The following SEZ6L variants were observed in gnomAD, a reference collection of about 807,000 sequenced individuals.
SEZ6L encodes seizure related 6 homolog like, also known as seizure 6-like protein.
Under a neutral mutation model 106.2 loss-of-function variants are expected in SEZ6L, and 37 were observed. The ratio of observed to expected loss-of-function variants is 0.35; its 90% confidence interval spans 0.27 to 0.46. SEZ6L has a LOEUF of 0.46. Among genes scored for constraint, SEZ6L ranks in the 20% least tolerant of loss-of-function variants. SEZ6L has a pLI of 1.00. For synonymous variants in SEZ6L, 541 were observed against 570.4 expected, an observed-to-expected ratio of 0.95 and a Z score of 0.73; for missense variants, 1,172 against 1,332.8, an observed-to-expected ratio of 0.88 and a Z score of 1.88.
rs143137786 is a variant in SEZ6L, at chr22:26,174,427, GATA to G, written c.94+4667_94+4669del. Among the ~76,000 whole-genome samples, 33 of 152,280 alleles carry G rather than the reference GATA, an allele frequency of 2.2e-4. No individual in the cohort carries two copies. In the East Asian group the frequency reaches 4.2e-3, roughly 20 times the overall value. The stretch of plus-strand genomic sequence containing the variant: ...TGCACATGCTCACGCTCAAAAAAAA[GATA>G]ATCTGTCGGACCTGCCTGTCCTCCC... On this transcript the variant is annotated intron_variant, in intron 1 of 16. Transcript: ENST00000248933.
At chr22:26,187,825 G>A (rs371377119) in intron 1 of SEZ6L, among the ~76,000 whole-genome samples, 11 of 152,256 alleles carry the variant, frequency 7.2e-5, no homozygotes, top group South Asian at 6.2e-4. Flanking sequence ...TTATAATATA[G>A]CTGAACTATA....
intron 9 of SEZ6L, among the ~76,000 whole-genome samples, chr22:26,335,039 C>G (rs1601531500): frequency 6.6e-6 from 1 of 152,320 alleles, no homozygotes; most frequent in East Asian, 1.9e-4. Flanking sequence ...CTGTGGCTCT[C>G]CCTGCAGTGA....
rs73879847 is a variant in SEZ6L, at chr22:26,188,235, C to A, written c.94+18472C>A. Among the ~76,000 whole-genome samples, 1,068 of 152,290 alleles carry A rather than the reference C, an allele frequency of 7.0e-3. 17 individuals are homozygous for A. The highest frequency in any genetic ancestry group is 0.025 in the African/African-American group (1,024 of 41,544). ...CCCATATCCACTTTGTTTTAGTTAA[C>A]TATTGTTGTGTAACAAACCATCCCT... On this transcript the variant is annotated intron_variant, in intron 1 of 16. Transcript: ENST00000248933.
chr22:26,367,404 C>T (rs1011840377), intron 13 of SEZ6L, among the ~76,000 whole-genome samples: 6 of 152,060 alleles, frequency 3.9e-5, no homozygotes, highest in Non-Finnish European at 5.9e-5. Flanking sequence ...AATGCAGTGG[C>T]GTGATCATTA....
chr22:26,201,964 A>C (rs376804898), intron 1 of SEZ6L, among the ~76,000 whole-genome samples: 57 of 152,238 alleles, frequency 3.7e-4, no homozygotes, highest in Middle Eastern at 6.8e-3. Flanking sequence ...CCCAGGCTGG[A>C]GTGCAGTGGT....
intron 2 of SEZ6L, among the ~76,000 whole-genome samples, chr22:26,293,637 T>G (rs2145886189): frequency 6.6e-6 from 1 of 152,296 alleles, no homozygotes; most frequent in Admixed American, 6.5e-5. Flanking sequence ...AACATCCCCA[T>G]TTTAAAGATG....
chr22:26,372,010 G>A (rs984044622), intron 13 of SEZ6L, among the ~76,000 whole-genome samples: 2 of 152,314 alleles, frequency 1.3e-5, no homozygotes, highest in Non-Finnish European at 2.9e-5. Context: ...TGGGACTTGG[G>A]GACCCCGGGC....
chr22:26,379,779 T>C (rs2084354452), intron 16 of SEZ6L, among the ~76,000 whole-genome samples: 1 of 152,254 alleles, frequency 6.6e-6, no homozygotes, highest in Non-Finnish European at 1.5e-5. Context: ...TAGACATGAA[T>C]GAATACTTAT....
intron 1 of SEZ6L, among the ~76,000 whole-genome samples, chr22:26,175,070 A>G (rs1284978239): frequency 6.6e-6 from 1 of 152,164 alleles, no homozygotes; most frequent in Non-Finnish European, 1.5e-5. Flanking sequence ...AAGTCCCACT[A>G]CTACCTTTTA....
intron 9 of SEZ6L, among the ~76,000 whole-genome samples, chr22:26,323,930 G>A (rs371578879): frequency 6.6e-6 from 1 of 152,094 alleles, no homozygotes; most frequent in African/African-American, 2.4e-5. Context: ...CATCACGTCA[G>A]TGTGACTACT....
chr22:26,311,806 A>C lies in SEZ6L; in HGVS notation c.1720A>C (p.Asn574His), dbSNP rs765991423. 6.2e-7 allele frequency: 1 copy of C among 1,614,176 alleles called. No individual in the cohort carries two copies. Among genetic ancestry groups the C allele is most frequent in the Non-Finnish European group, 8.5e-7 (1 of 1,180,034 alleles). ...CCACTGCTATGAGCCCTACATCCAG[A>C]ATGGGAACTTCACTACATCCGACCC... is the stretch of plus-strand genomic sequence containing the variant. ...KGHCYEPYIQ[N>H]GNFTTSDPTY... Residue 574 changes from asparagine (N) to histidine (H), a missense_variant, in exon 8 of 17, where the codon AAT (asparagine) becomes CAT (histidine). Physicochemically the swap from Asn to His is moderately conservative, Grantham distance 68 (BLOSUM62 1). Transcript: ENST00000248933.
intron 1 of SEZ6L, among the ~76,000 whole-genome samples, chr22:26,187,934 C>T (rs2145647950): frequency 6.6e-6 from 1 of 152,294 alleles, no homozygotes; most frequent in Admixed American, 6.5e-5. Context: ...GAAGCCCTGT[C>T]ATTTTGATTT....
intron 1 of SEZ6L, among the ~76,000 whole-genome samples, chr22:26,196,312 C>T (rs1319558797): frequency 6.6e-6 from 1 of 152,162 alleles, no homozygotes. Flanking sequence ...CACTATGCTT[C>T]CTATACAGCC....
At chr22:26,262,244 T>TTATCATCTATC (rs1556283086) in intron 1 of SEZ6L, among the ~76,000 whole-genome samples, 2 of 144,290 alleles carry the variant, frequency 1.4e-5, no homozygotes, top group Non-Finnish European at 3.0e-5. Flanking sequence ...TTGATATATT[T>TTATCATCTATC]TATCTATCTA....
chr22:26,327,179 C>A (rs2082331910), intron 9 of SEZ6L, among the ~76,000 whole-genome samples: 1 of 152,030 alleles, frequency 6.6e-6, no homozygotes, highest in African/African-American at 2.4e-5. Context: ...GCCCTCTGCA[C>A]ACGTGCGTGT....
At chr22:26,217,544 C>T (rs1316987675) in intron 1 of SEZ6L, among the ~76,000 whole-genome samples, 1 of 152,234 alleles carries the variant, frequency 6.6e-6, no homozygotes, top group Non-Finnish European at 1.5e-5. Flanking sequence ...GTCTCTTCCT[C>T]TGGGGTATCC....
intron 6 of SEZ6L, among the ~76,000 whole-genome samples, chr22:26,308,596 G>A (rs1037739779): frequency 5.9e-5 from 9 of 152,074 alleles, no homozygotes; most frequent in Middle Eastern, 3.4e-3. Flanking sequence ...GAGACACTGC[G>A]CCCACCCTAT....
At chr22:26,190,564 AT>A (rs1421166409) in intron 1 of SEZ6L, among the ~76,000 whole-genome samples, 4 of 152,144 alleles carry the variant, frequency 2.6e-5, no homozygotes, top group African/African-American at 7.2e-5. Flanking sequence ...TTTAACAGGA[AT>A]TTATAATAGT....
intron 12 of SEZ6L, among the ~76,000 whole-genome samples, chr22:26,361,746 T>C (rs1334461409): frequency 1.3e-5 from 2 of 152,088 alleles, no homozygotes; most frequent in African/African-American, 4.8e-5. Flanking sequence ...CTCACAGACA[T>C]ACAACTAGGA....
Sources: gnomAD v4.1 joint callset for allele counts (sites outside exome capture counted in the v4.1 genomes callset) on GRCh38, gnomAD v4.1.1 for gene constraint, MANE v1.5 for transcripts, NCBI Gene and HGNC (gene_info 2026-07-23, HGNC 2026-07-21) for gene names.